The following MRTFB variants were observed in gnomAD, a reference collection of about 807,000 sequenced individuals.
MRTFB encodes myocardin-related transcription factor B.
Under a neutral mutation model 104.2 loss-of-function variants are expected in MRTFB, and 29 were observed. The ratio of observed to expected loss-of-function variants is 0.28; its 90% CI spans 0.21 to 0.38. The LOEUF is 0.38. MRTFB is among the 10% of genes least tolerant of loss of function. The pLI is 1.00. For synonymous variants in MRTFB, 535 were observed against 519.5 expected, an observed-to-expected ratio of 1.03 and a Z score of -0.41; for missense variants, 1,270 against 1,341.6, an observed-to-expected ratio of 0.95 and a Z score of 0.83.
At chr16:14,070,299 A>T (rs2033610889), upstream of MRTFB, among the ~76,000 whole-genome samples, 1 of 152,246 alleles carries the variant, frequency 6.6e-6, no homozygotes, top group Non-Finnish European at 1.5e-5. Context: ...CACCTCCAGG[A>T]TTGCAAGAAG....
At position 14,212,350 on chromosome 16, in the gene MRTFB, A is replaced by C. The variant is rs1384900661; in HGVS notation, c.221-4A>C. 3 of 1,613,600 alleles carry C rather than the reference A, an allele frequency of 1.9e-6. No homozygotes were observed. Among genetic ancestry groups the C allele is most frequent in the Non-Finnish European group, 2.5e-6 (3 of 1,179,714 alleles). ...TACTGTGGAAACCATTTCTTTTCTCACAGCTTTGAAGAGCCCAGCGGCATT... is the reference window on the plus strand; with the variant it reads ...TACTGTGGAAACCATTTCTTTTCTCCCAGCTTTGAAGAGCCCAGCGGCATT... On this transcript the variant is annotated splice_region_variant and splice_polypyrimidine_tract_variant and intron_variant, in intron 4 of 16. Transcript: ENST00000571589.
At chr16:14,246,416 C>T in intron 11 of MRTFB, 57 bp from the exon 12 acceptor site, 1 of 1,558,744 alleles carries the variant, frequency 6.4e-7, no homozygotes, top group East Asian at 2.3e-5. Context: ...CAAAAGCGTA[C>T]TGTAGATTTG....
At chr16:14,217,315 G>A in intron 7 of MRTFB, 28 bp downstream of exon 7, 4 of 1,555,018 alleles carry the variant, frequency 2.6e-6, no homozygotes, top group East Asian at 2.3e-5. Context: ...TACTATTTGG[G>A]GTGAGAAAGA....
In MRTFB at chr16:14,176,321, C is replaced by T. The variant is rs532786768; in HGVS notation, c.155-33922C>T. Among the ~76,000 whole-genome samples the T allele has an allele frequency of 3.3e-5, 5 of 152,130 alleles. No homozygotes were observed. The South Asian group carries it at 1.0e-3, about 32-fold the overall frequency. On this transcript the variant is annotated intron_variant, in intron 3 of 16. Coordinates refer to ENST00000571589, the MANE Select transcript of MRTFB (RefSeq NM_001308142.2). ...AGATAAATGAGATACAGTTCCAGCTCGCAAAGATTATAAAATTTACGAAGA... is the reference window on the plus strand; with the variant it reads ...AGATAAATGAGATACAGTTCCAGCTTGCAAAGATTATAAAATTTACGAAGA...
upstream of MRTFB, among the ~76,000 whole-genome samples, chr16:14,066,654 G>A (rs886512750): frequency 1.3e-5 from 2 of 151,754 alleles, no homozygotes; most frequent in Admixed American, 6.6e-5. Flanking sequence ...TTAGGGGTGT[G>A]CATATGAGAC....
chr16:14,211,514 A>G (rs992804774), intron 4 of MRTFB, among the ~76,000 whole-genome samples: 41 of 152,126 alleles, frequency 2.7e-4, no homozygotes. Flanking sequence ...CCTCTATCCC[A>G]TCCACTCATC....
intron 8 of MRTFB, among the ~76,000 whole-genome samples, chr16:14,228,135 G>T (rs2042093009): frequency 6.6e-6 from 1 of 152,152 alleles, no homozygotes; most frequent in Non-Finnish European, 1.5e-5. Context: ...CAAAAAATAA[G>T]TTTGGAAGAA....
chr16:14,083,089 C>T (rs2034505770), intron 2 of MRTFB, among the ~76,000 whole-genome samples: 1 of 151,588 alleles, frequency 6.6e-6, no homozygotes, highest in Non-Finnish European at 1.5e-5. Context: ...CAATTTATTT[C>T]TAAGTATTTT....
At chr16:14,011,143 TG>T in the MRTFB span, among the ~76,000 whole-genome samples, 1 of 152,020 alleles carries the variant, frequency 6.6e-6, no homozygotes, top group African/African-American at 2.4e-5. Flanking sequence ...GTTGAGAAAA[TG>T]AAATTGTTGG....
chr16:14,148,312 C>G (rs774342459), intron 3 of MRTFB, among the ~76,000 whole-genome samples: 3 of 152,152 alleles, frequency 2.0e-5, no homozygotes, highest in Non-Finnish European at 4.4e-5. Context: ...TGCCACGTAA[C>G]TCAGTCACAA....
upstream of MRTFB, among the ~76,000 whole-genome samples, chr16:14,070,275 C>G (rs2033609526): frequency 6.6e-6 from 1 of 152,236 alleles, no homozygotes. Context: ...ACAATGGAAA[C>G]AGGCTACTTT....
At chr16:14,040,351 A>G in the MRTFB span, among the ~76,000 whole-genome samples, 1 of 152,230 alleles carries the variant, frequency 6.6e-6, no homozygotes, top group African/African-American at 2.4e-5. Flanking sequence ...GTTATAGAAT[A>G]CATGTATTTT....
At chr16:14,004,401 G>A in the MRTFB span, among the ~76,000 whole-genome samples, 113 of 152,270 alleles carry the variant, frequency 7.4e-4, no homozygotes, top group Admixed American at 3.1e-3. Context: ...ATGATGTATC[G>A]CTTTTCAGCT....
intron 2 of MRTFB, among the ~76,000 whole-genome samples, chr16:14,080,830 G>C (rs1414782527): frequency 6.6e-6 from 1 of 152,156 alleles, no homozygotes; most frequent in Non-Finnish European, 1.5e-5. Flanking sequence ...TGTCACAAAT[G>C]ACAGGATTTC....
the MRTFB span, among the ~76,000 whole-genome samples, chr16:14,000,445 GGTGA>G: frequency 6.6e-6 from 1 of 152,226 alleles, no homozygotes; most frequent in African/African-American, 2.4e-5. Flanking sequence ...AGCTCAGTGA[GGTGA>G]GTGAGTCAAG....
chr16:14,128,296 T>A (rs1248014386), intron 2 of MRTFB, among the ~76,000 whole-genome samples: 2 of 152,156 alleles, frequency 1.3e-5, no homozygotes, highest in Non-Finnish European at 2.9e-5. Context: ...TTGGCCTCCC[T>A]GACCTCAAAA....
intron 8 of MRTFB, 79 bp from the exon 9 acceptor site, chr16:14,234,067 C>A: frequency 1.3e-6 from 2 of 1,543,830 alleles, no homozygotes; most frequent in South Asian, 2.4e-5. Flanking sequence ...AAAACCAGGT[C>A]ATTCCCTTGT....
intron 1 of MRTFB, among the ~76,000 whole-genome samples, chr16:14,074,897 T>C (rs1444990306): frequency 6.6e-6 from 1 of 152,236 alleles, no homozygotes; most frequent in East Asian, 1.9e-4. Flanking sequence ...TGAAAATGTT[T>C]AAAAGGAAAC....
At chr16:14,147,122 C>T (rs2142722351) in intron 3 of MRTFB, among the ~76,000 whole-genome samples, 1 of 152,260 alleles carries the variant, frequency 6.6e-6, no homozygotes, top group African/African-American at 2.4e-5. Context: ...AATAAACATT[C>T]TGATAGTAGC....
Sources: gnomAD v4.1 joint callset for allele counts (sites outside exome capture counted in the v4.1 genomes callset) on GRCh38, gnomAD v4.1.1 for gene constraint, MANE v1.5 for transcripts, NCBI Gene and HGNC (gene_info 2026-07-23, HGNC 2026-07-21) for gene names.